ESCO1: variants seen among roughly 807,000 people sequenced by gnomAD.
The protein encoded by ESCO1 is establishment of sister chromatid cohesion N-acetyltransferase 1, also known as N-acetyltransferase ESCO1.
A neutral mutation model predicts 83.5 loss-of-function variants in ESCO1; 33 were observed. The ratio of observed to expected loss-of-function variants is 0.40; its 90% confidence interval spans 0.30 to 0.53. The LOEUF is 0.53. ESCO1 is among the 20% of genes least tolerant of loss of function. The probability of loss-of-function intolerance (pLI) is 0.63; values close to 1 mark genes in which losing one functional copy is unlikely to be tolerated. For missense variants in ESCO1, 855 were observed against 968.0 expected (o/e 0.88, Z 1.55); for synonymous variants, 332 against 324.3 (o/e 1.02, Z -0.25).
intron 1 of ESCO1, among the ~76,000 whole-genome samples, chr18:21,592,623 C>T (rs926108374): frequency 1.3e-4 from 20 of 150,480 alleles, no homozygotes; most frequent in Non-Finnish European, 2.2e-4. Flanking sequence ...CACCTCCCTC[C>T]CGGACGGGGC....
chr18:21,580,260 A>G (rs1298439874), intron 2 of ESCO1, among the ~76,000 whole-genome samples: 1 of 152,126 alleles, frequency 6.6e-6, no homozygotes, highest in Non-Finnish European at 1.5e-5. Context: ...AAACTTTTTA[A>G]TTTTTAAAAA....
chr18:21,593,699 T>C (rs2038719672), intron 1 of ESCO1, among the ~76,000 whole-genome samples: 1 of 151,904 alleles, frequency 6.6e-6, no homozygotes, highest in Non-Finnish European at 1.5e-5. Flanking sequence ...TACAACCTTT[T>C]AACCACATCA....
intron 1 of ESCO1, among the ~76,000 whole-genome samples, chr18:21,593,708 C>A (rs1186368103): frequency 6.6e-6 from 1 of 151,580 alleles, no homozygotes; most frequent in Non-Finnish European, 1.5e-5. Context: ...TTAACCACAT[C>A]AAAGGAACAA....
chr18:21,560,691 T>C (rs1175372702), intron 8 of ESCO1, among the ~76,000 whole-genome samples, 168 bp downstream of exon 8: 2 of 152,208 alleles, frequency 1.3e-5, no homozygotes, highest in Non-Finnish European at 2.9e-5. Flanking sequence ...GTTTTTATGT[T>C]TGGCTTTGTT....
At position 21,563,320 on chromosome 18, in the gene ESCO1, T is replaced by G. The variant is rs2038213849; in HGVS notation, c.1821+883A>C. Reference sequence around the variant, plus strand: ...AAACAATTACTGTTACAAGACAAAGTCACTATTTAAGAAGGGGGTTGTAAT... The same window carrying G: ...AAACAATTACTGTTACAAGACAAAGGCACTATTTAAGAAGGGGGTTGTAAT... On this transcript the variant is annotated intron_variant, in intron 7 of 11. Transcript: ENST00000269214. Among the ~76,000 whole-genome samples, 5 of 152,176 alleles carry G rather than the reference T, an allele frequency of 3.3e-5. No homozygotes were observed. In the South Asian group the frequency reaches 8.3e-4, roughly 25 times the overall value.
intron 10 of ESCO1, among the ~76,000 whole-genome samples, chr18:21,533,121 GAT>G (rs1391695806): frequency 6.6e-6 from 1 of 151,682 alleles, no homozygotes; most frequent in Admixed American, 6.6e-5. Flanking sequence ...TGAGACTAGG[GAT>G]AGCAGAGAAA....
At chr18:21,537,523 G>C (rs2037852269) in intron 9 of ESCO1, among the ~76,000 whole-genome samples, 1 of 152,000 alleles carries the variant, frequency 6.6e-6, no homozygotes, top group South Asian at 2.1e-4. Context: ...TGACAGAGTG[G>C]AATTCTCTTA....
intron 5 of ESCO1, 127 bp downstream of exon 5, chr18:21,567,851 CAT>C (rs1213608558): frequency 3.1e-6 from 2 of 636,924 alleles, no homozygotes; most frequent in Non-Finnish European, 5.2e-6. Context: ...ATGATAATCA[CAT>C]ATTTGAAAAA....
At chr18:21,545,391 T>C (rs1005071111) in intron 8 of ESCO1, among the ~76,000 whole-genome samples, 11 of 151,652 alleles carry the variant, frequency 7.3e-5, no homozygotes, top group Admixed American at 7.2e-4. Flanking sequence ...CTGGCCAACA[T>C]GGCAAACCCC....
chr18:21,540,525 T>C, intron 8 of ESCO1: 1 of 1,256,578 alleles, frequency 8.0e-7, no homozygotes, highest in Non-Finnish European at 1.0e-6. Context: ...CTTATGCTTA[T>C]TGATCACAAC....
At chr18:21,569,029 G>T (rs1221694161) in intron 4 of ESCO1, among the ~76,000 whole-genome samples, 2 of 152,072 alleles carry the variant, frequency 1.3e-5, no homozygotes, top group African/African-American at 4.8e-5. Flanking sequence ...TATTCCTACT[G>T]GATAGTGCTG....
intron 5 of ESCO1, among the ~76,000 whole-genome samples, chr18:21,566,470 A>G (rs950812532): frequency 3.3e-5 from 5 of 152,220 alleles, no homozygotes; most frequent in African/African-American, 9.6e-5. Context: ...ACCAGCAATT[A>G]TTAGGACTGA....
At chr18:21,544,050 G>C (rs1386711955) in intron 8 of ESCO1, among the ~76,000 whole-genome samples, 1 of 152,128 alleles carries the variant, frequency 6.6e-6, no homozygotes, top group African/African-American at 2.4e-5. Flanking sequence ...GAGGAAGGCG[G>C]ATCACAAGGT....
intron 7 of ESCO1, among the ~76,000 whole-genome samples, chr18:21,561,485 T>C (rs1337053087): frequency 6.6e-6 from 1 of 152,144 alleles, no homozygotes; most frequent in African/African-American, 2.4e-5. Context: ...TGGAGTGCAG[T>C]GGCATGATCT....
rs760654595 is a variant in ESCO1 at position 21,574,599 on chromosome 18, G to A, written c.245C>T (p.Ser82Phe). The A allele has an allele frequency of 2.9e-5, 47 of 1,613,824 alleles. No individual in the cohort carries two copies. Among genetic ancestry groups the A allele is most frequent in the Non-Finnish European group, 3.7e-5 (44 of 1,179,976 alleles). ...KAASNDKATK[S>F]INKNTVTVRG... Reference sequence around the variant, plus strand: ...CACAGTCACCGTATTTTTATTAATGGATTTAGTAGCTTTATCATTAGATGC... The same window carrying A: ...CACAGTCACCGTATTTTTATTAATGAATTTAGTAGCTTTATCATTAGATGC... The change falls in exon 4 of 12, where the codon TCC (serine) becomes TTC (phenylalanine). Residue 82 changes from serine to phenylalanine, a missense_variant. By Grantham distance (155) the Ser-to-Phe change is radical. This residue lies in a region of ESCO1 where 726 missense variants were observed against 699.5 expected (regional missense o/e 1.04). Coordinates refer to ENST00000269214, the MANE Select transcript of ESCO1 (RefSeq NM_052911.3).
intron 3 of ESCO1, 79 bp from the exon 4 acceptor site, chr18:21,575,509 T>C (rs996504947): frequency 3.0e-5 from 12 of 398,140 alleles, no homozygotes; most frequent in Admixed American, 1.3e-4. Context: ...AGAAATAACC[T>C]TGATTTAAGG....
intron 1 of ESCO1, among the ~76,000 whole-genome samples, chr18:21,591,284 T>G (rs1178068997): frequency 6.6e-6 from 1 of 152,196 alleles, no homozygotes; most frequent in Non-Finnish European, 1.5e-5. Flanking sequence ...TGGAGTAATG[T>G]GGTCATAGGC....
intron 10 of ESCO1, among the ~76,000 whole-genome samples, chr18:21,535,590 G>A (rs775128265): frequency 6.6e-6 from 1 of 152,082 alleles, no homozygotes; most frequent in Non-Finnish European, 1.5e-5. Context: ...CACCGTATTA[G>A]CCAGGATGGT....
chr18:21,555,607 C>A (rs550305652), intron 8 of ESCO1, among the ~76,000 whole-genome samples: 1 of 152,064 alleles, frequency 6.6e-6, no homozygotes, highest in South Asian at 2.1e-4. Context: ...AAAGTCAGCA[C>A]CCTGGGCAAC....
Sources: gnomAD v4.1 joint callset for allele counts (sites outside exome capture counted in the v4.1 genomes callset) on GRCh38, gnomAD v4.1.1 for gene constraint, gnomAD v4.1.1 regional missense constraint, MANE v1.5 for transcripts, NCBI Gene and HGNC (gene_info 2026-07-23, HGNC 2026-07-21) for gene names.